Variants in TUBA4A observed in about 807,000 individuals in gnomAD.
The protein encoded by TUBA4A is tubulin alpha-4A chain.
In TUBA4A, 23 loss-of-function variants were observed where a neutral mutation model predicts 34.3. The ratio of observed to expected loss-of-function variants is 0.67; its 90% CI spans 0.48 to 0.95. The LOEUF is 0.95. Ranked by LOEUF, TUBA4A falls within the 40% of genes least tolerant of loss-of-function variation. The pLI is 0.00. For synonymous variants in TUBA4A, 216 were observed against 230.5 expected (o/e 0.94, Z 0.57); for missense variants, 279 against 599.0 (o/e 0.47, Z 5.58).
Position 219,252,987 on chromosome 2 carries a change from T to TC in TUBA4A, c.4-758dup, listed in dbSNP as rs1476656769. ...ACACCGAAATGGCGGGGTGACGGTT[T>TC]CCAAATACCCAGAAAGGAAGTGGAA... On this transcript the variant is annotated intron_variant, in intron 1 of 3. Coordinates refer to ENST00000248437, the MANE Select transcript of TUBA4A (RefSeq NM_006000.3). This position sits in a 1 kb window ranked among gnomAD's most constrained non-coding sequence, Gnocchi z 4.1. The TC allele has an allele frequency of 1.8e-6, 1 of 549,716 alleles. No individual in the cohort carries two copies. Among genetic ancestry groups the TC allele is most frequent in the African/African-American group, 1.9e-5 (1 of 52,064 alleles). 34.1% of individuals were successfully genotyped at this position (549,716 alleles called of 1,614,324 possible).
chr2:219,251,386 C>T lies in TUBA4A; in HGVS notation c.376-63G>A, dbSNP rs1269943721. On this transcript the variant is annotated intron_variant, in intron 3 of 3. Coordinates refer to ENST00000248437, the MANE Select transcript of TUBA4A (RefSeq NM_006000.3). The surrounding 1 kb of genome is among the most constrained non-coding windows in gnomAD (Gnocchi z 6.1). ...GGAGGGGCCTGAGGGACTCTATCACCTGGCTCCATAAAGCGTAAGATACAT... is the reference window on the plus strand; with the variant it reads ...GGAGGGGCCTGAGGGACTCTATCACTTGGCTCCATAAAGCGTAAGATACAT... The T allele has an allele frequency of 1.3e-6, 2 of 1,546,446 alleles. No homozygotes were observed. The highest frequency in any genetic ancestry group is 2.8e-5 in the African/African-American group (2 of 72,726).
Position 219,250,880 on chromosome 2 carries a change from T to A in TUBA4A, c.819A>T (p.Ala273=), listed in dbSNP as rs1390582129. The change falls in exon 4 of 4, where the codon GCA becomes GCT. Residue 273 remains alanine (A), a synonymous_variant. Transcript: ENST00000248437. The surrounding 1 kb of genome is among the most constrained non-coding windows in gnomAD (Gnocchi z 8.4). Reference sequence around the variant, plus strand: ...ATGCCTTTTCTGCAGAGATGACTGGTGCATAGGTGGCCAGGGGGAAGTGGA... The same window carrying A: ...ATGCCTTTTCTGCAGAGATGACTGGAGCATAGGTGGCCAGGGGGAAGTGGA... ...PRIHFPLATY[A]PVISAEKAYH... is the part of the protein sequence containing the mutation. The A allele has an allele frequency of 1.2e-5, 20 of 1,613,854 alleles. No homozygotes were observed. The highest frequency in any genetic ancestry group is 1.7e-5 in the Non-Finnish European group (20 of 1,180,000).
chr2:219,251,352 T>A lies in TUBA4A; in HGVS notation c.376-29A>T. On this transcript the variant is annotated intron_variant, in intron 3 of 3. Transcript: ENST00000248437. The surrounding 1 kb of genome is among the most constrained non-coding windows in gnomAD (Gnocchi z 6.1). The stretch of plus-strand genomic sequence containing the variant: ...AAAGGCAAGAACGAGAAAGAACAGT[T>A]TAGGTAGGGGAGGGGCCTGAGGGAC... 6.4e-7 allele frequency: 1 copy of A among 1,573,896 alleles called. No homozygotes were observed. Among genetic ancestry groups the A allele is most frequent in the Non-Finnish European group, 8.6e-7 (1 of 1,158,346 alleles).
At chr2:219,253,919 G>T, upstream of TUBA4A, 3 of 1,342,256 alleles carry the variant, frequency 2.2e-6, no homozygotes, top group East Asian at 3.0e-5. Flanking sequence ...TGAGAACTGC[G>T]CTAGCTGCAG....
At position 219,253,891 on chromosome 2, in the gene TUBA4A, C is replaced by G. The variant is rs559586186; in HGVS notation, c.-33G>C. On this transcript the variant is annotated 5_prime_UTR_variant, in exon 1 of 4. Transcript: ENST00000248437. ...CCGGGCGGTGCGTCTCACGTTGAGTCGGGGTGACAGGTCTCAGTGAGAACT... is the reference window on the plus strand; with the variant it reads ...CCGGGCGGTGCGTCTCACGTTGAGTGGGGGTGACAGGTCTCAGTGAGAACT... 1.4e-6 allele frequency: 2 copies of G among 1,418,472 alleles called. No homozygotes were observed. Among genetic ancestry groups the G allele is most frequent in the African/African-American group, 3.0e-5 (2 of 67,246 alleles). 87.9% of individuals were successfully genotyped at this position (1,418,472 alleles called of 1,614,324 possible).
chr2:219,253,476 AC>A, intron 1 of TUBA4A: 3 of 1,346,420 alleles, frequency 2.2e-6, no homozygotes, highest in Non-Finnish European at 2.1e-6. Context: ...AGTGCTGAGG[AC>A]CAGGGACTGG....
In TUBA4A at chr2:219,252,710, C is replaced by G. The variant is rs1951668400; in HGVS notation, c.4-480G>C. On this transcript the variant is annotated intron_variant, in intron 1 of 3. Transcript: ENST00000248437. The surrounding 1 kb of genome is among the most constrained non-coding windows in gnomAD (Gnocchi z 4.1). The stretch of plus-strand genomic sequence containing the variant: ...CTCCTCCCTCACCTTTAAATCCCAT[C>G]TGGCTCTGGGGATCAATCCCATCTG... The G allele has an allele frequency of 2.2e-6, 1 of 454,340 alleles. No homozygotes were observed. 28.1% of individuals were successfully genotyped at this position (454,340 alleles called of 1,614,324 possible).
chr2:219,251,572 C>T lies in TUBA4A; in HGVS notation c.368G>A (p.Arg123His), dbSNP rs780543647. ...EIIDPVLDRI[R>H]KLSDQCTGLQ... ...CCCAAGACACACTCTCACCAGCTTG[C>T]GGATCCGATCCAGCACTGGGTCAAT... is the stretch of plus-strand genomic sequence containing the variant. The change falls in exon 3 of 4, where the codon CGC becomes CAC. Residue 123 changes from arginine to histidine, a missense_variant. This residue lies in a region of TUBA4A where 98 missense variants were observed against 171.1 expected (regional missense o/e 0.57). Coordinates refer to ENST00000248437, the MANE Select transcript of TUBA4A (RefSeq NM_006000.3). This position sits in a 1 kb window ranked among gnomAD's most constrained non-coding sequence, Gnocchi z 6.1. 2.5e-5 allele frequency: 40 copies of T among 1,612,986 alleles called. No homozygotes were observed. Among genetic ancestry groups the T allele is most frequent in the Middle Eastern group, 1.6e-4 (1 of 6,072 alleles).
rs762574079 is a variant in TUBA4A at position 219,250,672 on chromosome 2, A to T, written c.1027T>A (p.Phe343Ile). ...AAGCCTGTGGGGCACCAGTCCACAAACTGAATGCTGCGCTTGGTCTTGATG... is the reference window on the plus strand; with the variant it reads ...AAGCCTGTGGGGCACCAGTCCACAATCTGAATGCTGCGCTTGGTCTTGATG... ...AAIKTKRSIQFVDWCPTGFKV... is the reference protein window; with the variant it reads ...AAIKTKRSIQIVDWCPTGFKV... The change falls in exon 4 of 4, where the codon TTT (phenylalanine) becomes ATT (isoleucine). Residue 343 changes from phenylalanine to isoleucine, a missense_variant. By Grantham distance (21) the Phe-to-Ile change is conservative (BLOSUM62 0). Around this residue, in one of 3 missense-constraint regions of TUBA4A, gnomAD observed 108 missense variants for 299.9 expected, o/e 0.36. Coordinates refer to ENST00000248437, the MANE Select transcript of TUBA4A (RefSeq NM_006000.3). The surrounding 1 kb of genome is among the most constrained non-coding windows in gnomAD (Gnocchi z 8.4). 1 of 1,614,186 alleles carries T rather than the reference A, an allele frequency of 6.2e-7. No homozygotes were observed. Among genetic ancestry groups the T allele is most frequent in the Non-Finnish European group, 8.5e-7 (1 of 1,180,026 alleles).
At position 219,252,121 on chromosome 2, in the gene TUBA4A, C is replaced by G. The variant is rs760363903; in HGVS notation, c.113G>C (p.Ser38Thr). The change falls in exon 2 of 4, where the codon AGT becomes ACT. Residue 38 changes from serine (S) to threonine (T), a missense_variant. Physicochemically the swap from Ser to Thr is moderately conservative, Grantham distance 58 (BLOSUM62 1). Transcript: ENST00000248437. The surrounding 1 kb of genome is among the most constrained non-coding windows in gnomAD (Gnocchi z 4.1). ...GTCCCCTCCACCAATGGTCTTGTCA[C>G]TGGGCATCTGCCCATCAGGCTGAAT... is the stretch of plus-strand genomic sequence containing the variant. ...HGIQPDGQMP[S>T]DKTIGGGDDS... 1.9e-6 allele frequency: 3 copies of G among 1,614,112 alleles called. No individual in the cohort carries two copies. The South Asian group carries it at 3.3e-5, about 18-fold the overall frequency.
At chr2:219,253,753 C>T in intron 1 of TUBA4A, 103 bp downstream of exon 1, 1 of 1,409,078 alleles carries the variant, frequency 7.1e-7, no homozygotes. Context: ...TCCTGGAGAC[C>T]CGGAACGCCC....
rs1024131 is a variant in TUBA4A at position 219,252,736 on chromosome 2, G to A, written c.4-506C>T. 58,151 of 463,456 alleles carry A rather than the reference G, an allele frequency of 0.13. 4,468 individuals carry two copies. Among genetic ancestry groups the A allele is most frequent in the African/African-American group, 0.22 (10,987 of 49,762 alleles). 28.7% of individuals were successfully genotyped at this position (463,456 alleles called of 1,614,324 possible). On this transcript the variant is annotated intron_variant, in intron 1 of 3. Coordinates refer to ENST00000248437, the MANE Select transcript of TUBA4A (RefSeq NM_006000.3). This position sits in a 1 kb window ranked among gnomAD's most constrained non-coding sequence, Gnocchi z 4.1. The stretch of plus-strand genomic sequence containing the variant: ...TGGCTCTGGGGATCAATCCCATCTG[G>A]CTCCTCTCCCCACCTCCACCCCCGC...
At chr2:219,253,784 C>T in intron 1 of TUBA4A, 72 bp downstream of exon 1, 2 of 1,518,726 alleles carry the variant, frequency 1.3e-6, no homozygotes, top group African/African-American at 1.4e-5. Flanking sequence ...CCCGAGCATG[C>T]CTGGAAGAAG....
Position 219,250,328 on chromosome 2 carries a change from G to C in TUBA4A, c.*24C>G. On this transcript the variant is annotated 3_prime_UTR_variant, in exon 4 of 4. Coordinates refer to ENST00000248437, the MANE Select transcript of TUBA4A (RefSeq NM_006000.3). This position sits in a 1 kb window ranked among gnomAD's most constrained non-coding sequence, Gnocchi z 8.4. ...TCGAAAGGATTTTGCAATAAACATA[G>C]TGAATAGGCTCCAGGCAGCTGCTTT... 2 of 1,582,558 alleles carry C rather than the reference G, an allele frequency of 1.3e-6. No individual in the cohort carries two copies. The highest frequency in any genetic ancestry group is 1.7e-6 in the Non-Finnish European group (2 of 1,162,086).
Position 219,253,360 on chromosome 2 carries a change from G to GGGC in TUBA4A, c.3+495_3+496insGCC, listed in dbSNP as rs1951680608. 2.0e-6 allele frequency: 3 copies of GGGC among 1,533,846 alleles called. No homozygotes were observed. The East Asian group carries it at 7.3e-5, about 38-fold the overall frequency. On this transcript the variant is annotated intron_variant, in intron 1 of 3. Transcript: ENST00000248437. ...GACGCGGGGTGCTGAGTCACGGGGGGGGGGTGGTTCTGTGGATAGTTGGAA... is the reference window on the plus strand; with the variant it reads ...GACGCGGGGTGCTGAGTCACGGGGGGGGCGGGGTGGTTCTGTGGATAGTTGGAA...
At chr2:219,253,940 C>T, upstream of TUBA4A, 3 of 1,220,862 alleles carry the variant, frequency 2.5e-6, no homozygotes, top group East Asian at 3.2e-5. Flanking sequence ...TGCCGCACCG[C>T]CCTTATAGGC....
upstream of TUBA4A, chr2:219,253,979 C>T (rs1951693805): frequency 9.1e-7 from 1 of 1,094,430 alleles, no homozygotes; most frequent in African/African-American, 1.7e-5. Context: ...GCGTTCCCCG[C>T]TCGCCCACTA....
At position 219,251,501 on chromosome 2, in the gene TUBA4A, A is replaced by T; in HGVS notation, c.375+64T>A. 2.5e-6 allele frequency: 4 copies of T among 1,574,168 alleles called. No homozygotes were observed. The highest frequency in any genetic ancestry group is 3.5e-6 in the Non-Finnish European group (4 of 1,156,478). ...AGATGACCTCCTGAAAGGATCTGAAAAAAAATATTCCTGACCATTAGCACA... is the reference window on the plus strand; with the variant it reads ...AGATGACCTCCTGAAAGGATCTGAATAAAAATATTCCTGACCATTAGCACA... On this transcript the variant is annotated intron_variant, in intron 3 of 3. Coordinates refer to ENST00000248437, the MANE Select transcript of TUBA4A (RefSeq NM_006000.3). This position sits in a 1 kb window ranked among gnomAD's most constrained non-coding sequence, Gnocchi z 6.1.
rs757156202 is a variant in TUBA4A, at chr2:219,252,095, C to T, written c.139G>A (p.Asp47Asn). Residue 47 changes from aspartate (D) to asparagine (N), a missense_variant, in exon 2 of 4, where the codon GAC (aspartate) becomes AAC (asparagine). Coordinates refer to ENST00000248437, the MANE Select transcript of TUBA4A (RefSeq NM_006000.3). This position sits in a 1 kb window ranked among gnomAD's most constrained non-coding sequence, Gnocchi z 4.1. Reference sequence around the variant, plus strand: ...TCACAGAAGAAGGTGGTGAAGGAGTCGTCCCCTCCACCAATGGTCTTGTCA... The same window carrying T: ...TCACAGAAGAAGGTGGTGAAGGAGTTGTCCCCTCCACCAATGGTCTTGTCA... ...PSDKTIGGGD[D>N]SFTTFFCETG... The T allele has an allele frequency of 6.2e-7, 1 of 1,614,170 alleles. No individual in the cohort carries two copies. The highest frequency in any genetic ancestry group is 8.5e-7 in the Non-Finnish European group (1 of 1,180,014).
Sources: gnomAD v4.1 joint callset for allele counts on GRCh38, gnomAD v4.1.1 for gene constraint, gnomAD v4.1.1 regional missense constraint, Gnocchi (gnomAD v3.1) non-coding constraint, MANE v1.5 for transcripts, NCBI Gene and HGNC (gene_info 2026-07-23, HGNC 2026-07-21) for gene names.